The following PALS2 variants were observed in gnomAD, a reference collection of about 807,000 sequenced individuals.
PALS2 encodes protein PALS2.
A neutral mutation model predicts 61.6 loss-of-function variants in PALS2; 27 were observed. That is an observed-to-expected ratio of 0.44 (90% CI 0.32 to 0.60). The LOEUF is 0.60. Among genes scored for constraint, PALS2 ranks in the 20% least tolerant of loss-of-function variants. The pLI is 0.05. For missense variants in PALS2, 554 were observed against 639.4 expected (o/e 0.87, Z 1.44); for synonymous variants, 236 against 218.6 (o/e 1.08, Z -0.70).
Position 24,655,749 on chromosome 7 carries a change from C to T in PALS2, c.651+5037C>T, listed in dbSNP as rs369495756. 3.2e-3 allele frequency among the ~76,000 whole-genome samples: 477 copies of T among 151,060 alleles called. 2 individuals are homozygous for T. Among genetic ancestry groups the T allele is most frequent in the African/African-American group, 0.011 (444 of 41,126 alleles). Reference sequence around the variant, plus strand: ...GATCTTGGCTCACTGCAGCCTCCACCGCCCGGGTTCAAGTAATTTTCCTGC... The same window carrying T: ...GATCTTGGCTCACTGCAGCCTCCACTGCCCGGGTTCAAGTAATTTTCCTGC... On this transcript the variant is annotated intron_variant, in intron 5 of 11. Coordinates refer to ENST00000222644, the MANE Select transcript of PALS2 (RefSeq NM_001303037.2).
intron 9 of PALS2, 112 bp from the exon 10 acceptor site, chr7:24,679,019 C>G (rs993816656): frequency 1.2e-6 from 1 of 825,344 alleles, no homozygotes; most frequent in African/African-American, 1.7e-5. Context: ...CTGGTCATAG[C>G]CTACAGTTTG....
At chr7:24,615,782 C>A (rs538554872) in intron 1 of PALS2, among the ~76,000 whole-genome samples, 1 of 151,952 alleles carries the variant, frequency 6.6e-6, no homozygotes, top group African/African-American at 2.4e-5. Flanking sequence ...GACCAATATC[C>A]CTACTGAACA....
At chr7:24,615,537 C>T (rs939663088) in intron 1 of PALS2, among the ~76,000 whole-genome samples, 4 of 151,694 alleles carry the variant, frequency 2.6e-5, no homozygotes, top group African/African-American at 7.3e-5. Context: ...AGATTGAGTC[C>T]AGATGAGATA....
rs779490991 is a variant in PALS2, at chr7:24,649,660, C to T, written c.319C>T (p.Pro107Ser). The T allele has an allele frequency of 6.8e-6, 11 of 1,611,910 alleles. No individual in the cohort carries two copies. Among genetic ancestry groups the T allele is most frequent in the Admixed American group, 1.7e-5 (1 of 59,746 alleles). ...DIVASKCYDS[P>S]PSSPEMNNSS... ...TGTGGCATCAAAGTGTTATGATTCA[C>T]CTCCATCAAGCCCAGAAATGAATAA... The change falls in exon 4 of 12, where the codon CCT becomes TCT. Residue 107 changes from proline to serine, a missense_variant. By Grantham distance (74) the Pro-to-Ser change is moderately conservative. Coordinates refer to ENST00000222644, the MANE Select transcript of PALS2 (RefSeq NM_001303037.2).
rs1410714868 is a variant in PALS2 at position 24,618,809 on chromosome 7, C to T, written c.-2-4857C>T. On this transcript the variant is annotated intron_variant, in intron 1 of 11. Transcript: ENST00000222644. This position sits in a 1 kb window ranked among gnomAD's most constrained non-coding sequence, Gnocchi z 5.1. ...GGGCTCCCAGTCATCACAGGTACCT[C>T]TCCACTTCCCTGCTGTACTTCGGCA... Among the ~76,000 whole-genome samples, 1 of 152,212 alleles carries T rather than the reference C, an allele frequency of 6.6e-6. No individual in the cohort carries two copies. The highest frequency in any genetic ancestry group is 2.1e-4 in the South Asian group (1 of 4,828).
At chr7:24,591,760 T>A (rs1417386303) in intron 1 of PALS2, among the ~76,000 whole-genome samples, 1 of 152,122 alleles carries the variant, frequency 6.6e-6, no homozygotes, top group Non-Finnish European at 1.5e-5. Context: ...TAGCCTTTTT[T>A]ATCTGTATTT....
intron 2 of PALS2, among the ~76,000 whole-genome samples, chr7:24,633,347 G>C (rs1436354349): frequency 7.0e-5 from 10 of 142,904 alleles, no homozygotes; most frequent in Admixed American, 4.8e-4. Context: ...CCAGGTTGGT[G>C]GAGTTTTTTT....
intron 9 of PALS2, among the ~76,000 whole-genome samples, chr7:24,678,159 T>A (rs544506975): frequency 1.8e-4 from 28 of 152,322 alleles, no homozygotes; most frequent in African/African-American, 6.3e-4. Flanking sequence ...TCTTCAAAGC[T>A]GTTGTTAACA....
At chr7:24,657,957 T>C (rs1365451044) in intron 5 of PALS2, among the ~76,000 whole-genome samples, 3 of 152,188 alleles carry the variant, frequency 2.0e-5, no homozygotes, top group East Asian at 3.8e-4. Flanking sequence ...TTGAAAAGAC[T>C]ATTTCTTTCA....
rs780176633 is a variant in PALS2, at chr7:24,681,525, A to AT, written c.1446+1024dup. Reference sequence around the variant, plus strand: ...CAGTCTATATTTGAGTTTCTCCAAGATTTTTTTTTTTTTTTTTTTACTGTT... The same window carrying AT: ...CAGTCTATATTTGAGTTTCTCCAAGATTTTTTTTTTTTTTTTTTTTACTGTT... On this transcript the variant is annotated intron_variant, in intron 11 of 11. Coordinates refer to ENST00000222644, the MANE Select transcript of PALS2 (RefSeq NM_001303037.2). Among the ~76,000 whole-genome samples, 814 of 138,578 alleles carry AT rather than the reference A, an allele frequency of 5.9e-3. 5 individuals are homozygous for AT. The highest frequency in any genetic ancestry group is 0.012 in the African/African-American group (459 of 37,482). The allele number at this position is 138,578 out of a possible 152,430, so 90.9% of individuals were successfully genotyped here.
intron 5 of PALS2, among the ~76,000 whole-genome samples, chr7:24,660,828 C>T (rs147747921): frequency 7.1e-4 from 108 of 152,298 alleles, no homozygotes; most frequent in African/African-American, 2.5e-3. Context: ...ACCATTCTTC[C>T]ACAAGCCTAT....
intron 1 of PALS2, among the ~76,000 whole-genome samples, chr7:24,599,172 T>C (rs1436095234): frequency 6.6e-6 from 1 of 152,182 alleles, no homozygotes; most frequent in East Asian, 1.9e-4. Context: ...TAGTCTGTTA[T>C]ACATGTGGGC....
chr7:24,656,589 A>T (rs1284355589), intron 5 of PALS2, among the ~76,000 whole-genome samples: 2 of 152,006 alleles, frequency 1.3e-5, no homozygotes, highest in African/African-American at 4.8e-5. Flanking sequence ...TGACATGATC[A>T]CAGCTCACTG....
At chr7:24,650,429 T>C (rs181836525) in intron 4 of PALS2, 56 bp from the exon 5 acceptor site, 4 of 1,342,232 alleles carry the variant, frequency 3.0e-6, no homozygotes, top group Admixed American at 4.6e-5. Flanking sequence ...TGCTCATGAA[T>C]ATTTAAGCAT....
In PALS2 at chr7:24,649,675, G is replaced by A; in HGVS notation, c.334G>A (p.Glu112Lys). 1 of 1,611,950 alleles carries A rather than the reference G, an allele frequency of 6.2e-7. No individual in the cohort carries two copies. Among genetic ancestry groups the A allele is most frequent in the Non-Finnish European group, 8.5e-7 (1 of 1,179,078 alleles). ...TTATGATTCACCTCCATCAAGCCCAGAAATGAATAATTCTTCTATCAATAA... is the reference window on the plus strand; with the variant it reads ...TTATGATTCACCTCCATCAAGCCCAAAAATGAATAATTCTTCTATCAATAA... Reference protein sequence around the residue: ...KCYDSPPSSPEMNNSSINNQL... With the variant: ...KCYDSPPSSPKMNNSSINNQL... The change falls in exon 4 of 12, where the codon GAA becomes AAA. Residue 112 changes from glutamate to lysine, a missense_variant. Coordinates refer to ENST00000222644, the MANE Select transcript of PALS2 (RefSeq NM_001303037.2).
At chr7:24,611,156 T>A (rs760962023) in intron 1 of PALS2, among the ~76,000 whole-genome samples, 16 of 152,258 alleles carry the variant, frequency 1.1e-4, no homozygotes, top group South Asian at 2.1e-4. Flanking sequence ...ACAGAAAACT[T>A]CTGGGGCAGA....
chr7:24,691,997 A>G lies in PALS2; in HGVS notation c.*4383A>G, dbSNP rs1471827517. 6.6e-6 allele frequency: 1 copy of G among 152,142 alleles called. No homozygotes were observed. The highest frequency in any genetic ancestry group is 1.5e-5 in the Non-Finnish European group (1 of 67,982). The allele number at this position is 152,142 out of a possible 1,614,324, so 9.4% of individuals were successfully genotyped here. ...CAAGCATATATTGTATACCTGAGGA[A>G]GATGACAGTTCTATAATTTTTTTAA... On this transcript the variant is annotated 3_prime_UTR_variant, in exon 12 of 12. Transcript: ENST00000222644.
intron 2 of PALS2, among the ~76,000 whole-genome samples, chr7:24,628,615 C>T (rs1478103237): frequency 6.6e-6 from 1 of 152,174 alleles, no homozygotes; most frequent in African/African-American, 2.4e-5. Flanking sequence ...AGCCCAAAAG[C>T]TCCTTAAGCT....
chr7:24,597,349 G>A (rs1050144037), intron 1 of PALS2, among the ~76,000 whole-genome samples: 3 of 152,176 alleles, frequency 2.0e-5, no homozygotes, highest in Non-Finnish European at 4.4e-5. Flanking sequence ...TATGTGACTG[G>A]TTTGTCAGTT....
Sources: allele counts gnomAD v4.1 joint callset (sites outside exome capture counted in the v4.1 genomes callset), GRCh38; gene constraint gnomAD v4.1.1; non-coding constraint Gnocchi (gnomAD v3.1); transcripts MANE v1.5; gene names NCBI Gene and HGNC (gene_info 2026-07-23, HGNC 2026-07-21).